Variants in FSIP2 observed in about 807,000 individuals in gnomAD.
FSIP2 encodes fibrous sheath-interacting protein 2.
In FSIP2, 367 loss-of-function variants were observed where a neutral mutation model predicts 510.5. The ratio of observed to expected loss-of-function variants is 0.72; its 90% CI spans 0.66 to 0.78. The LOEUF is 0.78. Among genes scored for constraint, FSIP2 ranks in the 30% least tolerant of loss-of-function variants. FSIP2 has a pLI of 0.00. For missense variants in FSIP2, 7,594 were observed against 7,901.7 expected (o/e 0.96, Z 1.48); for synonymous variants, 2,601 against 2,732.2 (o/e 0.95, Z 1.50).
chr2:185,746,589 T>G, intron 5 of FSIP2, 80 bp from the exon 6 acceptor site: 1 of 1,092,610 alleles, frequency 9.2e-7, no homozygotes, highest in Non-Finnish European at 1.2e-6. Context: ...AAGGAAGTGG[T>G]TTGGGAATGG....
intron 16 of FSIP2, chr2:185,797,749 C>G: frequency 4.1e-6 from 2 of 481,954 alleles, no homozygotes; most frequent in South Asian, 4.7e-5. Flanking sequence ...AGTACAGTGG[C>G]ATGATCATTG....
intron 9 of FSIP2, among the ~76,000 whole-genome samples, chr2:185,760,196 CTTTT>C (rs1231281903): frequency 2.2e-5 from 3 of 137,820 alleles, no homozygotes; most frequent in Non-Finnish European, 4.8e-5. Context: ...CTTTCTCTCT[CTTTT>C]TATGTTTTTA....
chr2:185,745,906 G>A (rs1003235464), intron 5 of FSIP2, among the ~76,000 whole-genome samples: 2 of 152,078 alleles, frequency 1.3e-5, no homozygotes, highest in African/African-American at 4.8e-5. Context: ...CATTTTTTGA[G>A]GAAGTTAGTG....
intron 4 of FSIP2, 44 bp from the exon 5 acceptor site, chr2:185,745,385 G>T (rs1692007004): frequency 1.7e-6 from 2 of 1,174,998 alleles, no homozygotes; most frequent in Non-Finnish European, 2.3e-6. Context: ...TCTGGGAAAT[G>T]TAAAAAGCAT....
At chr2:185,817,594 T>G (rs1693848406) in intron 19 of FSIP2, among the ~76,000 whole-genome samples, 1 of 152,036 alleles carries the variant, frequency 6.6e-6, no homozygotes, top group Admixed American at 6.6e-5. Context: ...GTCTCATTAA[T>G]TAGTAAATAT....
At chr2:185,745,632 T>G (rs962166469) in intron 5 of FSIP2, 64 bp downstream of exon 5, 2 of 1,346,930 alleles carry the variant, frequency 1.5e-6, no homozygotes, top group African/African-American at 1.5e-5. Flanking sequence ...TGGAAAATAC[T>G]AGAAAGAATT....
intron 15 of FSIP2, among the ~76,000 whole-genome samples, chr2:185,787,555 A>C (rs1473837640): frequency 6.6e-6 from 1 of 151,808 alleles, no homozygotes; most frequent in Non-Finnish European, 1.5e-5. Flanking sequence ...TGTGTTTACA[A>C]GCTCTATGTT....
Position 185,739,379 on chromosome 2 carries a change from C to T in FSIP2, c.133C>T (p.Pro45Ser). The part of the protein sequence containing the change: ...VHKTHFAGVG[P>S]AQLLDLPLGV... ...CAAAACCCACTTTGCAGGGGTTGGA[C>T]CGGCTCAGCTACTGGACCTACCTCT... The change falls in exon 2 of 23, where the codon CCG becomes TCG. Residue 45 changes from proline (P) to serine (S), a missense_variant. Transcript: ENST00000424728. 1 of 1,535,138 alleles carries T rather than the reference C, an allele frequency of 6.5e-7. No individual in the cohort carries two copies. Among genetic ancestry groups the T allele is most frequent in the Non-Finnish European group, 8.7e-7 (1 of 1,146,436 alleles).
chr2:185,739,571 A>G, intron 2 of FSIP2, 100 bp downstream of exon 2: 1 of 1,121,226 alleles, frequency 8.9e-7, no homozygotes, highest in South Asian at 2.2e-5. Context: ...AATTTGCATC[A>G]ACATTTACAG....
At chr2:185,741,478 T>C (rs1691921175) in intron 2 of FSIP2, among the ~76,000 whole-genome samples, 2 of 152,178 alleles carry the variant, frequency 1.3e-5, no homozygotes, top group South Asian at 4.1e-4. Flanking sequence ...GGTTTGGTCT[T>C]GAGAAACATA....
At position 185,833,240 on chromosome 2, in the gene FSIP2, G is replaced by C; in HGVS notation, c.*14G>C. ...GATGAACACTGAAGCTTTTGTACCTGATATAAGTATGCTTACTTCTTTTAG... is the reference window on the plus strand; with the variant it reads ...GATGAACACTGAAGCTTTTGTACCTCATATAAGTATGCTTACTTCTTTTAG... On this transcript the variant is annotated 3_prime_UTR_variant, in exon 23 of 23. Transcript: ENST00000424728. The C allele has an allele frequency of 1.1e-5, 17 of 1,589,744 alleles. No homozygotes were observed. The highest frequency in any genetic ancestry group is 1.5e-5 in the Non-Finnish European group (17 of 1,168,064).
At position 185,789,355 on chromosome 2, in the gene FSIP2, G is replaced by A. The variant is rs79400482; in HGVS notation, c.2219G>A (p.Arg740His). The part of the protein sequence containing the change: ...TAEVFVEQCE[R>H]EKEILLSNAH... ...GAAGTTTTTGTTGAACAATGTGAACGTGAAAAAGAAATCTTGCTTTCCAAT... is the reference window on the plus strand; with the variant it reads ...GAAGTTTTTGTTGAACAATGTGAACATGAAAAAGAAATCTTGCTTTCCAAT... Residue 740 changes from arginine to histidine, a missense_variant, in exon 16 of 23, where the codon CGT becomes CAT. Arg to His is a conservative substitution (Grantham distance 29). Coordinates refer to ENST00000424728, the MANE Select transcript of FSIP2 (RefSeq NM_173651.4). The A allele has an allele frequency of 8.6e-4, 1,321 of 1,534,950 alleles. 3 individuals are homozygous for A. The highest frequency in any genetic ancestry group is 2.6e-3 in the South Asian group (221 of 84,052).
chr2:185,755,060 C>A (rs530344744), intron 8 of FSIP2, among the ~76,000 whole-genome samples: 12 of 151,616 alleles, frequency 7.9e-5, no homozygotes, highest in African/African-American at 2.4e-4. Flanking sequence ...GACCTGATTA[C>A]CGTCTCCATT....
chr2:185,749,285 A>G (rs949590671), intron 7 of FSIP2, among the ~76,000 whole-genome samples: 2 of 151,916 alleles, frequency 1.3e-5, no homozygotes, highest in Non-Finnish European at 2.9e-5. Flanking sequence ...CATGAACCAC[A>G]TATGTCGCTC....
upstream of FSIP2, chr2:185,738,725 A>G (rs1407825960): frequency 6.5e-7 from 1 of 1,535,968 alleles, no homozygotes; most frequent in Non-Finnish European, 8.7e-7. Context: ...GCCCCTCAGG[A>G]GGCCACCGCC....
At chr2:185,742,835 A>G (rs544590391) in intron 2 of FSIP2, among the ~76,000 whole-genome samples, 5 of 152,312 alleles carry the variant, frequency 3.3e-5, no homozygotes, top group South Asian at 4.1e-4. Flanking sequence ...AACAAACTAT[A>G]TGCTATTCCC....
At position 185,807,803 on chromosome 2, in the gene FSIP2, C is replaced by A; in HGVS notation, c.18497C>A (p.Pro6166His). The change falls in exon 17 of 23, where the codon CCT becomes CAT. Residue 6166 changes from proline (P) to histidine (H), a missense_variant. Coordinates refer to ENST00000424728, the MANE Select transcript of FSIP2 (RefSeq NM_173651.4). ...DVFQTTDVPL[P>H]KPSHADKLSY... is the part of the protein sequence containing the mutation. ...TTCCAAACTACTGATGTGCCCCTAC[C>A]TAAACCTTCACATGCTGATAAGCTG... is the stretch of plus-strand genomic sequence containing the variant. 6.2e-7 allele frequency: 1 copy of A among 1,612,540 alleles called. No homozygotes were observed. The highest frequency in any genetic ancestry group is 2.2e-5 in the East Asian group (1 of 44,784).
Position 185,801,532 on chromosome 2 carries a change from G to A in FSIP2, c.12226G>A (p.Ala4076Thr), listed in dbSNP as rs957234731. Residue 4076 changes from alanine (A) to threonine (T), a missense_variant, in exon 17 of 23, where the codon GCA (alanine) becomes ACA (threonine). Coordinates refer to ENST00000424728, the MANE Select transcript of FSIP2 (RefSeq NM_173651.4). Reference protein sequence around the residue: ...NNPVYDNASIAEQITNGILLE... With the variant: ...NNPVYDNASITEQITNGILLE... ...TCCGGTATACGACAATGCCTCAATA[G>A]CAGAACAAATAACAAATGGCATATT... 1 of 1,533,948 alleles carries A rather than the reference G, an allele frequency of 6.5e-7. No individual in the cohort carries two copies. Among genetic ancestry groups the A allele is most frequent in the African/African-American group, 1.4e-5 (1 of 72,858 alleles).
In FSIP2 at chr2:185,802,877, T is replaced by G. The variant is rs2105642648; in HGVS notation, c.13571T>G (p.Phe4524Cys). 1 of 1,498,954 alleles carries G rather than the reference T, an allele frequency of 6.7e-7. No individual in the cohort carries two copies. Among genetic ancestry groups the G allele is most frequent in the East Asian group, 2.5e-5 (1 of 40,658 alleles). The allele number at this position is 1,498,954 out of a possible 1,614,324, so 92.9% of individuals were successfully genotyped here. The change falls in exon 17 of 23, where the codon TTT (phenylalanine) becomes TGT (cysteine). Residue 4524 changes from phenylalanine (F) to cysteine (C), a missense_variant. Coordinates refer to ENST00000424728, the MANE Select transcript of FSIP2 (RefSeq NM_173651.4). The part of the protein sequence containing the change: ...RMKVSQHEIR[F>C]SKEEEETKFI... ...AAAGTTTCCCAACATGAAATTCGAT[T>G]TTCAAAAGAGGAAGAAGAAACCAAG...
Sources: allele counts gnomAD v4.1 joint callset (sites outside exome capture counted in the v4.1 genomes callset), GRCh38; gene constraint gnomAD v4.1.1; transcripts MANE v1.5; gene names NCBI Gene and HGNC (gene_info 2026-07-23, HGNC 2026-07-21).